Variants in FTSJ1 observed in about 807,000 individuals in gnomAD.
FTSJ1 encodes the protein FtsJ RNA 2'-O-methyltransferase 1.
FTSJ1 carries 3 observed loss-of-function variants against 28.5 expected under a neutral mutation model. The observed-to-expected ratio is 0.11, with a 90% confidence interval of 0.05 to 0.27. The LOEUF (loss-of-function observed/expected upper bound fraction) is 0.27. Among genes scored for constraint, FTSJ1 ranks in the 10% least tolerant of loss-of-function variants. The pLI is 1.00. For synonymous variants in FTSJ1, 104 were observed against 113.9 expected (o/e 0.91, Z 0.55); for missense variants, 162 against 279.0 (o/e 0.58, Z 2.99).
At position 48,483,778 on chromosome X, in the gene FTSJ1, G is replaced by A. The variant is rs148028298; in HGVS notation, c.*9+751G>A. Among the ~76,000 whole-genome samples the A allele has an allele frequency of 3.3e-3, 361 of 111,063 alleles. 1 individual carries two copies. The highest frequency in any genetic ancestry group is 0.015 in the East Asian group (53 of 3,544). On this transcript the variant is annotated intron_variant, in intron 12 of 12. Transcript: ENST00000348411. ...CAGGATTACAGGCATGAGCCACTGC[G>A]CCCAGCCAGTTTGCACTTTTTAAAA...
In FTSJ1 at chrX:48,481,271, C is replaced by T. The variant is rs2061566908; in HGVS notation, c.415-18C>T. 11 of 1,208,528 alleles carry T rather than the reference C, an allele frequency of 9.1e-6. No individual in the cohort carries two copies. The highest frequency in any genetic ancestry group is 1.0e-5 in the Non-Finnish European group (9 of 893,251). ...TGGCTGTCTCCACCTCAGCCTCAGC[C>T]GTCTGTCCTGCCCACAGGCTCTGAA... On this transcript the variant is annotated intron_variant, in intron 6 of 12. Transcript: ENST00000348411.
rs1354467036 is a variant in FTSJ1, at chrX:48,481,421, T to C, written c.469-5T>C. The C allele has an allele frequency of 8.3e-7, 1 of 1,210,055 alleles. No individual in the cohort carries two copies. Among genetic ancestry groups the C allele is most frequent in the Non-Finnish European group, 1.1e-6 (1 of 893,595 alleles). On this transcript the variant is annotated splice_region_variant and splice_polypyrimidine_tract_variant and intron_variant, in intron 7 of 12. Transcript: ENST00000348411. ...ACCCGCTGTCTTTGCCTTCTCACCC[T>C]GCAGATATTCCGAGGCCGGGATGTG...
Position 48,478,635 on chromosome X carries a change from C to T in FTSJ1, c.210C>T (p.His70=), listed in dbSNP as rs782064028. The change falls in exon 4 of 13, where the codon CAC becomes CAT. Residue 70 remains histidine (H), a synonymous_variant. Coordinates refer to ENST00000348411, the MANE Select transcript of FTSJ1 (RefSeq NM_012280.4). ...TCCACAGGGGCCAAGGGTCCGGCCA[C>T]GTGGTGGCTGTGGACCTGCAGGCTA... ...SQKIGGQGSG[H]VVAVDLQAMA... is the part of the protein sequence containing the mutation. 66 of 1,207,062 alleles carry T rather than the reference C, an allele frequency of 5.5e-5. No individual in the cohort carries two copies. Among genetic ancestry groups the T allele is most frequent in the Non-Finnish European group, 6.6e-5 (59 of 893,024 alleles).
chrX:48,478,649 A>G lies in FTSJ1; in HGVS notation c.224A>G (p.Asp75Gly). 8.3e-7 allele frequency: 1 copy of G among 1,208,640 alleles called. No individual in the cohort carries two copies. Among genetic ancestry groups the G allele is most frequent in the Non-Finnish European group, 1.1e-6 (1 of 893,259 alleles). Reference protein sequence around the residue: ...GQGSGHVVAVDLQAMAPLPGV... With the variant: ...GQGSGHVVAVGLQAMAPLPGV... Reference sequence around the variant, plus strand: ...GGGTCCGGCCACGTGGTGGCTGTGGACCTGCAGGCTATGGCTCCACTACCA... The same window carrying G: ...GGGTCCGGCCACGTGGTGGCTGTGGGCCTGCAGGCTATGGCTCCACTACCA... The change falls in exon 4 of 13, where the codon GAC becomes GGC. Residue 75 changes from aspartate (D) to glycine (G), a missense_variant. Asp to Gly is a moderately conservative substitution (Grantham distance 94). Coordinates refer to ENST00000348411, the MANE Select transcript of FTSJ1 (RefSeq NM_012280.4).
At chrX:48,482,244 C>T (rs782158227) in intron 9 of FTSJ1, among the ~76,000 whole-genome samples, 159 bp from the exon 10 acceptor site, 2 of 111,470 alleles carry the variant, frequency 1.8e-5, no homozygotes, top group African/African-American at 3.3e-5. Flanking sequence ...AGGGCCTCCC[C>T]GAGGAGGTGA....
chrX:48,482,485 G>T lies in FTSJ1; in HGVS notation c.738G>T (p.Ser246=), dbSNP rs140074225. The change falls in exon 10 of 13, where the codon TCG becomes TCT. Residue 246 remains serine (S), a synonymous_variant. Transcript: ENST00000348411. ...VTCGDLSSYD[S]DRSYPLDLEG... ...GTGGGGACCTGAGCTCCTATGATTC[G>T]GACCGCAGTTACCCACTGGACGTGA... is the stretch of plus-strand genomic sequence containing the variant. 57 of 1,200,526 alleles carry T rather than the reference G, an allele frequency of 4.7e-5. No homozygotes were observed. The highest frequency in any genetic ancestry group is 6.1e-5 in the Non-Finnish European group (54 of 887,455).
chrX:48,479,835 CCT>C (rs1321857326), intron 5 of FTSJ1, among the ~76,000 whole-genome samples: 1 of 110,858 alleles, frequency 9.0e-6, no homozygotes, highest in East Asian at 2.8e-4. Flanking sequence ...AGAGTGAGAC[CCT>C]CTCTCTAAAA....
In FTSJ1 at chrX:48,476,240, C is replaced by A. The variant is rs1160706124; in HGVS notation, c.-244C>A. ...GGCCCGCCGGAACCTGGGCGATCCACGATGCCGAGTTTGCCACGCTGCGAC... is the reference window on the plus strand; with the variant it reads ...GGCCCGCCGGAACCTGGGCGATCCAAGATGCCGAGTTTGCCACGCTGCGAC... On this transcript the variant is annotated 5_prime_UTR_variant, in exon 1 of 13. Transcript: ENST00000348411. The A allele has an allele frequency of 2.0e-5, 6 of 297,526 alleles. No individual in the cohort carries two copies. Among genetic ancestry groups the A allele is most frequent in the Non-Finnish European group, 3.5e-5 (6 of 170,297 alleles). 24.5% of individuals were successfully genotyped at this position (297,526 alleles called of 1,213,427 possible). A position where few individuals can be genotyped will look rare whatever the true frequency, so the allele number is the denominator to read the frequency against.
intron 6 of FTSJ1, 34 bp downstream of exon 6, chrX:48,481,237 G>C (rs1556968404): frequency 8.3e-7 from 1 of 1,204,146 alleles, no homozygotes; most frequent in Admixed American, 2.2e-5. Flanking sequence ...ACCCACTTTG[G>C]CCCCCTCCTG....
intron 12 of FTSJ1, among the ~76,000 whole-genome samples, chrX:48,484,548 G>A (rs1260033555): frequency 1.8e-5 from 2 of 109,711 alleles, no homozygotes; most frequent in Non-Finnish European, 3.8e-5. Flanking sequence ...CACCTCACCC[G>A]GCTAATTTTT....
intron 5 of FTSJ1, 45 bp from the exon 6 acceptor site, chrX:48,481,106 A>G (rs2061565472): frequency 9.0e-7 from 1 of 1,106,717 alleles, no homozygotes. Context: ...AAGAAGATGC[A>G]CAGAGCCAGA....
chrX:48,478,209 C>G (rs978031080), intron 2 of FTSJ1, 41 bp downstream of exon 2: 3 of 1,157,675 alleles, frequency 2.6e-6, no homozygotes, highest in Non-Finnish European at 3.5e-6. Context: ...GTGAGGTGGG[C>G]ACAGGAGGTA....
intron 5 of FTSJ1, among the ~76,000 whole-genome samples, chrX:48,480,671 AGAG>A (rs782319332): frequency 1.0e-3 from 113 of 111,223 alleles, no homozygotes; most frequent in Non-Finnish European, 1.9e-3. Flanking sequence ...GCAGTGGTGG[AGAG>A]GAGAAGATCA....
At chrX:48,482,208 C>T (rs957427835) in intron 9 of FTSJ1, among the ~76,000 whole-genome samples, 195 bp from the exon 10 acceptor site, 1 of 111,559 alleles carries the variant, frequency 9.0e-6, no homozygotes, top group South Asian at 3.8e-4. Context: ...AGCAGGGCAC[C>T]GATGTTTTAG....
chrX:48,482,904 C>G (rs1260520094), intron 11 of FTSJ1, 82 bp from the exon 12 acceptor site: 1 of 1,207,392 alleles, frequency 8.3e-7, no homozygotes, highest in Non-Finnish European at 1.1e-6. Context: ...CTCCCAATAG[C>G]TATAAAAAAT....
chrX:48,477,056 A>G (rs2061536954), intron 1 of FTSJ1, among the ~76,000 whole-genome samples: 2 of 110,591 alleles, frequency 1.8e-5, no homozygotes, highest in African/African-American at 6.6e-5. Context: ...TAGTTGGGCT[A>G]TGGTGGCATG....
rs1383170530 is a variant in FTSJ1 at position 48,478,603 on chromosome X, C to A, written c.192-14C>A. 8 of 1,199,825 alleles carry A rather than the reference C, an allele frequency of 6.7e-6. No homozygotes were observed. Among genetic ancestry groups the A allele is most frequent in the Non-Finnish European group, 9.0e-6 (8 of 886,660 alleles). On this transcript the variant is annotated splice_polypyrimidine_tract_variant and intron_variant, in intron 3 of 12. Transcript: ENST00000348411. The stretch of plus-strand genomic sequence containing the variant: ...GGAGCGAAACTAGGCTGATGTGGGC[C>A]ATGTTGTCCACAGGGGCCAAGGGTC...
intron 6 of FTSJ1, 32 bp from the exon 7 acceptor site, chrX:48,481,257 A>ACCTCAG (rs781849881): frequency 6.6e-6 from 8 of 1,203,477 alleles, no homozygotes; most frequent in East Asian, 5.9e-5. Flanking sequence ...GGCTGTCTCC[A>ACCTCAG]CCTCAGCCTC....
Position 48,481,433 on chromosome X carries a change from G to A in FTSJ1, c.476G>A (p.Arg159Gln). 8.3e-7 allele frequency: 1 copy of A among 1,211,430 alleles called. No homozygotes were observed. The highest frequency in any genetic ancestry group is 1.1e-6 in the Non-Finnish European group (1 of 894,844). The change falls in exon 8 of 13, where the codon CGA becomes CAA. Residue 159 changes from arginine to glutamine, a missense_variant. Arg to Gln is a conservative substitution (Grantham distance 43). Transcript: ENST00000348411. The stretch of plus-strand genomic sequence containing the variant: ...TGCCTTCTCACCCTGCAGATATTCC[G>A]AGGCCGGGATGTGACGCTCCTCTAC... ...PGGCFVAKIFRGRDVTLLYSQ... is the reference protein window; with the variant it reads ...PGGCFVAKIFQGRDVTLLYSQ...
Sources: allele counts gnomAD v4.1 joint callset (sites outside exome capture counted in the v4.1 genomes callset), GRCh38; gene constraint gnomAD v4.1.1; transcripts MANE v1.5; gene names NCBI Gene and HGNC (gene_info 2026-07-23, HGNC 2026-07-21).